The following NAALADL2 variants were observed in gnomAD, a reference collection of about 807,000 sequenced individuals.
The protein encoded by NAALADL2 is inactive N-acetylated-alpha-linked acidic dipeptidase-like protein 2.
In NAALADL2, 76 loss-of-function variants were observed where a neutral mutation model predicts 87.2. That is an observed-to-expected ratio of 0.87 (90% confidence interval 0.72 to 1.05). NAALADL2 has a LOEUF of 1.05. Among genes scored for constraint, NAALADL2 ranks in the 50% least tolerant of loss-of-function variants. NAALADL2 has a pLI of 0.00. For synonymous variants in NAALADL2, 354 were observed against 331.0 expected, an observed-to-expected ratio of 1.07 and a Z score of -0.75; for missense variants, 1,089 against 945.8, an observed-to-expected ratio of 1.15 and a Z score of -1.99.
intron 2 of NAALADL2, among the ~76,000 whole-genome samples, chr3:175,176,368 CT>C (rs1267575475): frequency 6.6e-6 from 1 of 152,028 alleles, no homozygotes; most frequent in African/African-American, 2.4e-5. Context: ...TTGGAGCAGT[CT>C]TTCAAGATGA....
At chr3:175,417,626 T>C (rs2149110164) in intron 5 of NAALADL2, among the ~76,000 whole-genome samples, 1 of 152,236 alleles carries the variant, frequency 6.6e-6, no homozygotes, top group East Asian at 1.9e-4. Flanking sequence ...ATTGGCACTG[T>C]AGTTTAAAAA....
intron 1 of NAALADL2, among the ~76,000 whole-genome samples, chr3:175,089,488 G>A (rs1719667815): frequency 6.6e-6 from 1 of 152,042 alleles, no homozygotes; most frequent in South Asian, 2.1e-4. Context: ...CTATAAAACG[G>A]GGATAATAAT....
chr3:174,889,380 GACAA>G (rs1202959084), intron 1 of NAALADL2, among the ~76,000 whole-genome samples: 1 of 151,878 alleles, frequency 6.6e-6, no homozygotes, highest in East Asian at 1.9e-4. Context: ...TTTAAATAAA[GACAA>G]ACAAAAGGAT....
At chr3:174,718,036 G>A (rs1731366248) in intron 2 of NAALADL2, among the ~76,000 whole-genome samples, 1 of 152,126 alleles carries the variant, frequency 6.6e-6, no homozygotes, top group African/African-American at 2.4e-5. Context: ...GGCTGAAGCA[G>A]AAGAATCGCT....
chr3:175,062,290 A>G (rs1713661050), intron 1 of NAALADL2, among the ~76,000 whole-genome samples: 3 of 152,312 alleles, frequency 2.0e-5, no homozygotes, highest in Admixed American at 6.5e-5. Flanking sequence ...AAAGAAACTC[A>G]AGGTCACAGG....
At chr3:175,408,167 AT>A in intron 5 of NAALADL2, among the ~76,000 whole-genome samples, 1 of 152,226 alleles carries the variant, frequency 6.6e-6, no homozygotes, top group Non-Finnish European at 1.5e-5. Context: ...AGAGAACAAA[AT>A]TTTATTTATA....
At chr3:175,323,795 A>T (rs1760281417) in intron 4 of NAALADL2, among the ~76,000 whole-genome samples, 1 of 151,846 alleles carries the variant, frequency 6.6e-6, no homozygotes, top group Non-Finnish European at 1.5e-5. Context: ...AGGTGGGCGG[A>T]TCACGAGGTC....
chr3:175,182,702 G>T (rs1736770031), intron 2 of NAALADL2, among the ~76,000 whole-genome samples: 1 of 151,256 alleles, frequency 6.6e-6, no homozygotes, highest in South Asian at 2.1e-4. Context: ...TGCCAAAAGG[G>T]TTTTTTGTGT....
At chr3:175,676,987 A>G (rs546633800) in intron 11 of NAALADL2, among the ~76,000 whole-genome samples, 1 of 152,254 alleles carries the variant, frequency 6.6e-6, no homozygotes, top group African/African-American at 2.4e-5. Flanking sequence ...AATAAGGTTT[A>G]TTTTTATTCT....
chr3:175,710,019 T>G lies in NAALADL2; in HGVS notation c.1897-27287T>G, dbSNP rs542398898. Among the ~76,000 whole-genome samples, 8 of 152,068 alleles carry G rather than the reference T, an allele frequency of 5.3e-5. No individual in the cohort carries two copies. In the South Asian group the frequency reaches 1.5e-3, roughly 28 times the overall value. On this transcript the variant is annotated intron_variant, in intron 11 of 13. Transcript: ENST00000454872. ...AATAGGGAAAAGACAAAATAATTTT[T>G]GGCTGGTTTTCTTGTATTTTTTTTA...
chr3:174,514,895 C>T (rs1367929449), intron 1 of NAALADL2, among the ~76,000 whole-genome samples: 2 of 151,964 alleles, frequency 1.3e-5, no homozygotes, highest in East Asian at 1.9e-4. Context: ...ACTGGGTACC[C>T]GAGGCTGGTC....
At chr3:174,949,775 G>T (rs561645322) in intron 1 of NAALADL2, among the ~76,000 whole-genome samples, 1 of 152,290 alleles carries the variant, frequency 6.6e-6, no homozygotes, top group Middle Eastern at 3.4e-3. Flanking sequence ...AGCTACAGTA[G>T]CTAAACATTC....
intron 1 of NAALADL2, among the ~76,000 whole-genome samples, chr3:174,479,664 A>G (rs1349376272): frequency 6.6e-6 from 1 of 152,160 alleles, no homozygotes. Context: ...ATTTAGTTCT[A>G]GTAACCAAGT....
intron 2 of NAALADL2, among the ~76,000 whole-genome samples, chr3:174,615,481 T>A (rs1267174029): frequency 6.6e-6 from 1 of 152,176 alleles, no homozygotes; most frequent in Non-Finnish European, 1.5e-5. Flanking sequence ...CACAAAGCAG[T>A]AGCACTATCA....
chr3:175,084,706 C>G (rs1429027912), intron 1 of NAALADL2, among the ~76,000 whole-genome samples: 1 of 151,948 alleles, frequency 6.6e-6, no homozygotes, highest in Non-Finnish European at 1.5e-5. Flanking sequence ...CGCATTTAGT[C>G]AAACATTTCT....
chr3:175,244,957 A>T (rs1025154985), intron 3 of NAALADL2, among the ~76,000 whole-genome samples: 2 of 152,082 alleles, frequency 1.3e-5, no homozygotes, highest in Non-Finnish European at 2.9e-5. Context: ...TAGGAAAGGG[A>T]CCTTTTGTAA....
chr3:175,368,298 G>T (rs1765934471), intron 5 of NAALADL2, among the ~76,000 whole-genome samples: 1 of 152,114 alleles, frequency 6.6e-6, no homozygotes, highest in Admixed American at 6.5e-5. Context: ...GTTCATCAAG[G>T]ATATTGGTCT....
intron 4 of NAALADL2, among the ~76,000 whole-genome samples, chr3:175,291,271 C>T (rs1422053266): frequency 2.0e-5 from 3 of 152,078 alleles, no homozygotes; most frequent in Non-Finnish European, 4.4e-5. Context: ...CTGAATGTTT[C>T]TTGTAATTTC....
At chr3:175,784,179 C>G (rs2150227297) in intron 13 of NAALADL2, among the ~76,000 whole-genome samples, 1 of 148,448 alleles carries the variant, frequency 6.7e-6, no homozygotes, top group African/African-American at 2.5e-5. Context: ...TTGGTTGTGT[C>G]TCTGCCCGGC....
Sources: gnomAD v4.1 joint callset for allele counts (sites outside exome capture counted in the v4.1 genomes callset) on GRCh38, gnomAD v4.1.1 for gene constraint, MANE v1.5 for transcripts, NCBI Gene and HGNC (gene_info 2026-07-23, HGNC 2026-07-21) for gene names.